LSAMP: variants seen among roughly 807,000 people sequenced by gnomAD.
LSAMP encodes limbic system-associated membrane protein.
In LSAMP, 7 loss-of-function variants were observed where a neutral mutation model predicts 38.6. The observed-to-expected ratio is 0.18, with a 90% confidence interval of 0.10 to 0.34. LSAMP has a LOEUF of 0.34. Ranked by LOEUF, LSAMP falls within the 10% of genes least tolerant of loss-of-function variation. The pLI, the probability that LSAMP is intolerant of heterozygous loss-of-function variation, is 1.00. For synonymous variants in LSAMP, 154 were observed against 166.8 expected, an observed-to-expected ratio of 0.92 and a Z score of 0.59; for missense variants, 313 against 420.0, an observed-to-expected ratio of 0.75 and a Z score of 2.23.
intron 2 of LSAMP, among the ~76,000 whole-genome samples, chr3:116,037,580 TAA>T (rs1941074406): frequency 6.6e-6 from 1 of 152,148 alleles, no homozygotes; most frequent in Admixed American, 6.6e-5. Context: ...AAGGATTAAC[TAA>T]ATCATTTAGG....
chr3:116,240,257 G>A (rs1198358120), intron 1 of LSAMP, among the ~76,000 whole-genome samples: 1 of 152,140 alleles, frequency 6.6e-6, no homozygotes, highest in Non-Finnish European at 1.5e-5. Context: ...TGAGATCTAT[G>A]AAGGCAAGGT....
intron 1 of LSAMP, among the ~76,000 whole-genome samples, chr3:116,226,148 T>C (rs1384643207): frequency 6.6e-6 from 1 of 152,202 alleles, no homozygotes; most frequent in East Asian, 1.9e-4. Flanking sequence ...TAAGCTGCTA[T>C]ACAAAACGGT....
intron 1 of LSAMP, among the ~76,000 whole-genome samples, chr3:116,442,711 G>A (rs2049453813): frequency 6.6e-6 from 1 of 152,148 alleles, no homozygotes; most frequent in Admixed American, 6.5e-5. Flanking sequence ...TGTTTCATAG[G>A]CGACTTATTT....
chr3:116,376,693 G>A (rs184710144), intron 1 of LSAMP, among the ~76,000 whole-genome samples: 1 of 152,144 alleles, frequency 6.6e-6, no homozygotes, highest in African/African-American at 2.4e-5. Context: ...GATGCCAGAA[G>A]AGAACTTAAA....
intron 4 of LSAMP, among the ~76,000 whole-genome samples, chr3:115,851,535 C>T (rs1401369411): frequency 6.6e-6 from 1 of 152,116 alleles, no homozygotes; most frequent in East Asian, 1.9e-4. Flanking sequence ...AAATCTCTGG[C>T]ACATAGGAAG....
At chr3:116,441,678 T>G (rs143155768) in intron 1 of LSAMP, among the ~76,000 whole-genome samples, 1,901 of 152,276 alleles carry the variant, frequency 0.012, 15 homozygotes, top group Middle Eastern at 0.02. Context: ...ATCCTGTAAT[T>G]GAACTCTTAC....
At chr3:116,251,149 C>G (rs1329885008) in intron 1 of LSAMP, among the ~76,000 whole-genome samples, 2 of 152,126 alleles carry the variant, frequency 1.3e-5, no homozygotes, top group Non-Finnish European at 2.9e-5. Context: ...CAAAACGTGT[C>G]CCTCCCATTT....
chr3:116,141,333 G>C (rs138041840), intron 1 of LSAMP, among the ~76,000 whole-genome samples: 6 of 151,802 alleles, frequency 4.0e-5, no homozygotes, highest in African/African-American at 1.5e-4. Flanking sequence ...AAGGGGATGC[G>C]GAGAAGAGTG....
intron 3 of LSAMP, among the ~76,000 whole-genome samples, chr3:115,954,883 C>T (rs138496404): frequency 2.0e-3 from 301 of 152,148 alleles, no homozygotes; most frequent in African/African-American, 7.0e-3. Context: ...GTAATTTTTG[C>T]CAGGCTTTCT....
chr3:116,090,637 G>A (rs138595328), intron 1 of LSAMP, among the ~76,000 whole-genome samples: 24 of 152,188 alleles, frequency 1.6e-4, no homozygotes, highest in African/African-American at 5.3e-4. Flanking sequence ...CCTAAGCGTC[G>A]GCTGGCTTGA....
At chr3:115,971,026 A>C (rs1939001163) in intron 3 of LSAMP, among the ~76,000 whole-genome samples, 1 of 152,180 alleles carries the variant, frequency 6.6e-6, no homozygotes, top group Admixed American at 6.6e-5. Context: ...CAATTCATTC[A>C]GCTTCTCCAA....
intron 1 of LSAMP, among the ~76,000 whole-genome samples, chr3:116,126,072 A>G (rs1303170362): frequency 6.6e-6 from 1 of 152,246 alleles, no homozygotes; most frequent in Admixed American, 6.5e-5. Flanking sequence ...ACTTTGGAAG[A>G]TGGGAATAAA....
intron 1 of LSAMP, among the ~76,000 whole-genome samples, chr3:116,128,320 A>G (rs1328380689): frequency 2.6e-5 from 4 of 152,328 alleles, no homozygotes; most frequent in East Asian, 1.9e-4. Flanking sequence ...AATTTAGCCA[A>G]TTTCTCATAG....
chr3:116,369,407 G>A (rs1279651929), intron 1 of LSAMP, among the ~76,000 whole-genome samples: 1 of 152,186 alleles, frequency 6.6e-6, no homozygotes. Context: ...TTACCTTCCA[G>A]AAAATATTTT....
chr3:115,810,321 C>T lies in LSAMP; in HGVS notation c.1013G>A (p.Cys338Tyr), dbSNP rs756243292. ...TATTTTTAAATTTTTATTCTATTAA[C>T]ATTTGCTGAGAAGGCAGAGCAGAGA... ...AASLLCLLSKC is the reference protein window; with the variant it reads ...AASLLCLLSKY Residue 338 changes from cysteine to tyrosine, a missense_variant, in exon 7 of 7, where the codon TGT (cysteine) becomes TAT (tyrosine). Coordinates refer to ENST00000490035, the MANE Select transcript of LSAMP (RefSeq NM_002338.5). 7 of 1,606,736 alleles carry T rather than the reference C, an allele frequency of 4.4e-6. No homozygotes were observed. The South Asian group carries it at 7.8e-5, about 18-fold the overall frequency.
intron 3 of LSAMP, among the ~76,000 whole-genome samples, chr3:115,891,423 C>T (rs1048472302): frequency 3.9e-5 from 6 of 151,964 alleles, no homozygotes; most frequent in South Asian, 4.1e-4. Flanking sequence ...AAAGGACATG[C>T]GAAGAGCTGA....
chr3:116,127,459 G>A (rs1303511046), intron 1 of LSAMP, among the ~76,000 whole-genome samples: 1 of 152,034 alleles, frequency 6.6e-6, no homozygotes, highest in Non-Finnish European at 1.5e-5. Flanking sequence ...CCCAACAGGT[G>A]ACAGAAAGGA....
intron 3 of LSAMP, among the ~76,000 whole-genome samples, chr3:115,961,500 C>T (rs1474452985): frequency 1.3e-5 from 2 of 152,208 alleles, no homozygotes; most frequent in Non-Finnish European, 2.9e-5. Flanking sequence ...GAAGCATATT[C>T]ACAGTGTATG....
intron 6 of LSAMP, among the ~76,000 whole-genome samples, chr3:115,839,228 C>CCCTTCCTTCTTTCCTTCCTT: frequency 7.6e-6 from 1 of 131,276 alleles, no homozygotes; most frequent in Admixed American, 7.6e-5. Flanking sequence ...CTCCCTCCCT[C>CCCTTCCTTCTTTCCTTCCTT]CCTTCCTTCT....
Sources: allele counts gnomAD v4.1 joint callset (sites outside exome capture counted in the v4.1 genomes callset), GRCh38; gene constraint gnomAD v4.1.1; transcripts MANE v1.5; gene names NCBI Gene and HGNC (gene_info 2026-07-23, HGNC 2026-07-21).